The following MAFF variants were observed in gnomAD, a reference collection of about 807,000 sequenced individuals.
The protein encoded by MAFF is transcription factor MafF.
In MAFF, 4 loss-of-function variants were observed where a neutral mutation model predicts 2.7. That is an observed-to-expected ratio of 1.48 (90% confidence interval 0.73 to 3.39). The LOEUF (loss-of-function observed/expected upper bound fraction) is 3.39, where lower values mean the gene tolerates loss of function less well. MAFF is among the 30% of genes most tolerant of loss of function. The pLI, the probability that MAFF is intolerant of heterozygous loss-of-function variation, is 0.01. For missense variants in MAFF, 190 were observed against 246.6 expected (o/e 0.77, Z 1.54); for synonymous variants, 113 against 119.4 (o/e 0.95, Z 0.35).
rs1159345961 is a variant in MAFF, at chr22:38,214,357, C to A, written c.37-63C>A. 5.5e-6 allele frequency: 8 copies of A among 1,451,812 alleles called. No individual in the cohort carries two copies. Among genetic ancestry groups the A allele is most frequent in the Non-Finnish European group, 5.5e-6 (6 of 1,089,228 alleles). 89.9% of individuals were successfully genotyped at this position (1,451,812 alleles called of 1,614,324 possible). The stretch of plus-strand genomic sequence containing the variant: ...CGGCTAAGGCGGTGAAAGAGGAACA[C>A]CGCGGGTGGAGCGGGGGGGCCCGTC... On this transcript the variant is annotated intron_variant, in intron 2 of 2. Coordinates refer to ENST00000338483, the MANE Select transcript of MAFF (RefSeq NM_012323.4). This position sits in a 1 kb window ranked among gnomAD's most constrained non-coding sequence, Gnocchi z 6.3.
At chr22:38,207,418 G>T (rs1340653374) in intron 1 of MAFF, among the ~76,000 whole-genome samples, 1 of 131,620 alleles carries the variant, frequency 7.6e-6, no homozygotes, top group East Asian at 2.3e-4. Context: ...ACCTTGCTTG[G>T]CCATCTTTTT....
At chr22:38,208,985 G>A (rs756031159) in intron 1 of MAFF, among the ~76,000 whole-genome samples, 13 of 152,052 alleles carry the variant, frequency 8.5e-5, no homozygotes, top group South Asian at 2.1e-4. Context: ...CACAGGGCCT[G>A]GGGTGCTGGG....
Position 38,214,600 on chromosome 22 carries a change from G to A in MAFF, c.217G>A (p.Val73Met), listed in dbSNP as rs1433992382. 3.8e-6 allele frequency: 6 copies of A among 1,584,734 alleles called. No homozygotes were observed. Among genetic ancestry groups the A allele is most frequent in the East Asian group, 4.6e-5 (2 of 43,294 alleles). ...CGCCGCCAGCTGCCGCGTGAAGCGCGTGTGCCAGAAGGAGGAGCTGCAGAA... is the reference window on the plus strand; with the variant it reads ...CGCCGCCAGCTGCCGCGTGAAGCGCATGTGCCAGAAGGAGGAGCTGCAGAA... ...GYAASCRVKRVCQKEELQKQK... is the reference protein window; with the variant it reads ...GYAASCRVKRMCQKEELQKQK... The change falls in exon 3 of 3, where the codon GTG becomes ATG. Residue 73 changes from valine (V) to methionine (M), a missense_variant. Val to Met is a conservative substitution (Grantham distance 21). Coordinates refer to ENST00000338483, the MANE Select transcript of MAFF (RefSeq NM_012323.4). The surrounding 1 kb of genome is among the most constrained non-coding windows in gnomAD (Gnocchi z 6.3).
At chr22:38,211,061 A>T (rs1408976668) in intron 1 of MAFF, among the ~76,000 whole-genome samples, 1 of 151,748 alleles carries the variant, frequency 6.6e-6, no homozygotes, top group Non-Finnish European at 1.5e-5. Flanking sequence ...GACCCTGTAT[A>T]AAAAACAAAA....
intron 2 of MAFF, 79 bp downstream of exon 2, chr22:38,213,968 T>C: frequency 6.7e-7 from 1 of 1,493,770 alleles, no homozygotes; most frequent in Non-Finnish European, 9.3e-7. Context: ...AACTTCCCCT[T>C]CTTTCCTGGA....
chr22:38,211,246 T>C (rs1445437604), intron 1 of MAFF, among the ~76,000 whole-genome samples: 1 of 132,166 alleles, frequency 7.6e-6, no homozygotes, highest in African/African-American at 2.6e-5. Flanking sequence ...TTTTTTTTTT[T>C]CAGACGGAGT....
chr22:38,211,128 C>T (rs1345738160), intron 1 of MAFF, among the ~76,000 whole-genome samples: 1 of 151,932 alleles, frequency 6.6e-6, no homozygotes, highest in Non-Finnish European at 1.5e-5. Flanking sequence ...TGGAGAGGAG[C>T]GTGCATCCTG....
Position 38,214,698 on chromosome 22 carries a change from C to CGCGCTGCGCGGCAAGTGCGAG in MAFF, c.323_343dup (p.Arg108_Leu114dup). The CGCGCTGCGCGGCAAGTGCGAG allele has an allele frequency of 1.3e-6, 2 of 1,541,272 alleles. No individual in the cohort carries two copies. The highest frequency in any genetic ancestry group is 1.7e-6 in the Non-Finnish European group (2 of 1,145,062). On this transcript the variant is annotated inframe_insertion, in exon 3 of 3. Transcript: ENST00000338483. This position sits in a 1 kb window ranked among gnomAD's most constrained non-coding sequence, Gnocchi z 6.3. ...ACGCCGCCATGCGCCTGGAGCTCGA[C>CGCGCTGCGCGGCAAGTGCGAG]GCGCTGCGCGGCAAGTGCGAGGCGC...
At chr22:38,208,893 T>G in intron 1 of MAFF, among the ~76,000 whole-genome samples, 1 of 147,270 alleles carries the variant, frequency 6.8e-6, no homozygotes, top group African/African-American at 2.5e-5. Flanking sequence ...AAAGCGCGGG[T>G]GGGAGGAAGT....
chr22:38,214,372 G>A lies in MAFF; in HGVS notation c.37-48G>A. ...AAGAGGAACACCGCGGGTGGAGCGG[G>A]GGGGCCCGTCCCCAGTCCCCTGGAC... On this transcript the variant is annotated intron_variant, in intron 2 of 2. Transcript: ENST00000338483. This position sits in a 1 kb window ranked among gnomAD's most constrained non-coding sequence, Gnocchi z 6.3. 4 of 1,496,428 alleles carry A rather than the reference G, an allele frequency of 2.7e-6. No homozygotes were observed. The highest frequency in any genetic ancestry group is 3.6e-6 in the Non-Finnish European group (4 of 1,116,572). The allele number at this position is 1,496,428 out of a possible 1,614,324, so 92.7% of individuals were successfully genotyped here. A position where few individuals can be genotyped will look rare whatever the true frequency, so the allele number is the denominator to read the frequency against.
intron 1 of MAFF, chr22:38,204,152 C>T (rs975164668): frequency 6.6e-6 from 1 of 152,232 alleles, no homozygotes; most frequent in African/African-American, 2.4e-5. Flanking sequence ...GGCCCTTGTC[C>T]TGGACCAGAT....
intron 1 of MAFF, among the ~76,000 whole-genome samples, chr22:38,212,579 G>A (rs1480345802): frequency 2.0e-5 from 3 of 152,196 alleles, no homozygotes; most frequent in African/African-American, 7.2e-5. Flanking sequence ...AGTTGTTGAA[G>A]GAGCATGTGG....
At chr22:38,212,972 G>A (rs910648476) in intron 1 of MAFF, among the ~76,000 whole-genome samples, 3 of 151,976 alleles carry the variant, frequency 2.0e-5, no homozygotes, top group Non-Finnish European at 4.4e-5. Flanking sequence ...AACCAGCCTG[G>A]CCAACATGGC....
intron 1 of MAFF, among the ~76,000 whole-genome samples, chr22:38,207,541 G>T (rs1282638354): frequency 1.0e-4 from 14 of 138,728 alleles, no homozygotes; most frequent in African/African-American, 1.3e-4. Flanking sequence ...CCGGGTTCAC[G>T]CCATTCTCCT....
chr22:38,204,888 TTG>T (rs1274307632), intron 1 of MAFF, among the ~76,000 whole-genome samples: 1 of 152,020 alleles, frequency 6.6e-6, no homozygotes, highest in Admixed American at 6.6e-5. Flanking sequence ...GCTCGTGGGT[TTG>T]TGTCAGTAGT....
chr22:38,202,953 G>A lies in MAFF; in HGVS notation c.-32+741G>A, dbSNP rs2040750125. On this transcript the variant is annotated intron_variant, in intron 1 of 2. Coordinates refer to ENST00000338483, the MANE Select transcript of MAFF (RefSeq NM_012323.4). This position sits in a 1 kb window ranked among gnomAD's most constrained non-coding sequence, Gnocchi z 7.4. ...AGGGCCTCCGCCACGTGACCCCAGT[G>A]TTTGTCTCCCGCCCAGAGCCCGCGC... 6.6e-6 allele frequency: 1 copy of A among 152,476 alleles called. No individual in the cohort carries two copies. The highest frequency in any genetic ancestry group is 2.4e-5 in the African/African-American group (1 of 41,430). The allele number at this position is 152,476 out of a possible 1,614,324, so 9.4% of individuals were successfully genotyped here. A position where few individuals can be genotyped will look rare whatever the true frequency, so the allele number is the denominator to read the frequency against.
At position 38,214,809 on chromosome 22, in the gene MAFF, C is replaced by T; in HGVS notation, c.426C>T (p.Ser142=). 1 of 1,487,620 alleles carries T rather than the reference C, an allele frequency of 6.7e-7. No individual in the cohort carries two copies. The highest frequency in any genetic ancestry group is 8.9e-7 in the Non-Finnish European group (1 of 1,124,316). The allele number at this position is 1,487,620 out of a possible 1,614,324, so 92.2% of individuals were successfully genotyped here. A position where few individuals can be genotyped will look rare whatever the true frequency, so the allele number is the denominator to read the frequency against. ...APASVITIVK[S]TPGSGSGPAH... is the part of the protein sequence containing the mutation. ...CCAGCGTCATCACCATCGTCAAGTCCACCCCGGGCTCGGGGTCTGGCCCCG... is the reference window on the plus strand; with the variant it reads ...CCAGCGTCATCACCATCGTCAAGTCTACCCCGGGCTCGGGGTCTGGCCCCG... The change falls in exon 3 of 3, where the codon TCC becomes TCT. Residue 142 remains serine, a synonymous_variant. Coordinates refer to ENST00000338483, the MANE Select transcript of MAFF (RefSeq NM_012323.4). This position sits in a 1 kb window ranked among gnomAD's most constrained non-coding sequence, Gnocchi z 6.3.
rs371972049 is a variant in MAFF at position 38,216,463 on chromosome 22, T to C, written c.*1585T>C. On this transcript the variant is annotated 3_prime_UTR_variant, in exon 3 of 3. Transcript: ENST00000338483. ...GCGAGTTATCGTCTTCTGTATTTTG[T>C]AGACTTTCTAAATAAAGTCAAATTC... The C allele has an allele frequency of 1.8e-5, 3 of 167,122 alleles. No homozygotes were observed. Among genetic ancestry groups the C allele is most frequent in the Non-Finnish European group, 2.9e-5 (2 of 68,124 alleles). 10.4% of individuals were successfully genotyped at this position (167,122 alleles called of 1,614,324 possible).
chr22:38,216,296 G>T lies in MAFF; in HGVS notation c.*1418G>T, dbSNP rs2091149608. The T allele has an allele frequency of 2.5e-5, 4 of 156,992 alleles. No individual in the cohort carries two copies. Among genetic ancestry groups the T allele is most frequent in the Admixed American group, 2.0e-4 (3 of 15,276 alleles). 9.7% of individuals were successfully genotyped at this position (156,992 alleles called of 1,614,324 possible). A position where few individuals can be genotyped will look rare whatever the true frequency, so the allele number is the denominator to read the frequency against. On this transcript the variant is annotated 3_prime_UTR_variant, in exon 3 of 3. Transcript: ENST00000338483. ...AGGCTGAGGCAGGAGGATCACTTAA[G>T]CCCAGAAGGCAGAGGTTGTAGTGAG...
Sources: allele counts gnomAD v4.1 joint callset (sites outside exome capture counted in the v4.1 genomes callset), GRCh38; gene constraint gnomAD v4.1.1; non-coding constraint Gnocchi (gnomAD v3.1); transcripts MANE v1.5; gene names NCBI Gene and HGNC (gene_info 2026-07-23, HGNC 2026-07-21).